ZNF606: variants seen among roughly 807,000 people sequenced by gnomAD.
The protein encoded by ZNF606 is zinc finger protein 328.
A neutral mutation model predicts 74.9 loss-of-function variants in ZNF606; 37 were observed. That is an observed-to-expected ratio of 0.49 (90% CI 0.38 to 0.65). The LOEUF is 0.65. ZNF606 is among the 30% of genes least tolerant of loss of function. The pLI is 0.00. For missense variants in ZNF606, 852 were observed against 952.9 expected (o/e 0.89, Z 1.39); for synonymous variants, 328 against 312.4 (o/e 1.05, Z -0.53).
At chr19:57,999,778 TC>T in intron 4 of ZNF606, 29 bp downstream of exon 4, 1 of 1,606,148 alleles carries the variant, frequency 6.2e-7, no homozygotes, top group Non-Finnish European at 8.5e-7. Context: ...CTGGACATCA[TC>T]CTCTGGGAAC....
Position 57,979,603 on chromosome 19 carries a change from A to G in ZNF606, c.1077T>C (p.Phe359=). ...EYENIFYFSS[F]MEHQKIGTVE... ...CAGTACCAATTTTTTGATGTTCCAT[A>G]AAGGATGAGAAATAAAAGATATTCT... is the stretch of plus-strand genomic sequence containing the variant. The change falls in exon 7 of 7, where the codon TTT becomes TTC. Residue 359 remains phenylalanine (F), a synonymous_variant. Coordinates refer to ENST00000551380, the MANE Select transcript of ZNF606 (RefSeq NM_001348022.3). 6.2e-7 allele frequency: 1 copy of G among 1,613,482 alleles called. No individual in the cohort carries two copies. The highest frequency in any genetic ancestry group is 8.5e-7 in the Non-Finnish European group (1 of 1,179,942).
intron 4 of ZNF606, among the ~76,000 whole-genome samples, chr19:57,994,936 C>T (rs1253177363): frequency 2.6e-5 from 4 of 152,190 alleles, no homozygotes; most frequent in Middle Eastern, 3.4e-3. Context: ...GTAATCTCAG[C>T]ACTTTGGGAG....
rs201639192 is a variant in ZNF606 at position 57,979,075 on chromosome 19, A to T, written c.1605T>A (p.Thr535=). ...SHLIAHMRMH[T]GEKPFKCDEC... ...CATCACATTTAAAGGGTTTCTCTCCAGTATGCATTCTCATATGGGCAATAA... is the reference window on the plus strand; with the variant it reads ...CATCACATTTAAAGGGTTTCTCTCCTGTATGCATTCTCATATGGGCAATAA... Residue 535 remains threonine (T), a synonymous_variant, in exon 7 of 7, where the codon ACT becomes ACA. Coordinates refer to ENST00000551380, the MANE Select transcript of ZNF606 (RefSeq NM_001348022.3). 105 of 1,613,828 alleles carry T rather than the reference A, an allele frequency of 6.5e-5. No homozygotes were observed. The East Asian group carries it at 2.3e-3, about 35-fold the overall frequency.
At chr19:57,992,237 A>G (rs893420696) in intron 4 of ZNF606, among the ~76,000 whole-genome samples, 2 of 152,182 alleles carry the variant, frequency 1.3e-5, no homozygotes, top group Non-Finnish European at 2.9e-5. Context: ...GCAGACAGGG[A>G]GCTTTATAAT....
Position 58,002,700 on chromosome 19 carries a change from C to G in ZNF606, c.-356G>C. ...AGGGCAGGCGCAGGACCCACCCTGA[C>G]GCCGCCTCTCCCAGCCGGCTCTCCT... is the stretch of plus-strand genomic sequence containing the variant. On this transcript the variant is annotated 5_prime_UTR_variant, in exon 1 of 7. Transcript: ENST00000551380. 1 of 453,974 alleles carries G rather than the reference C, an allele frequency of 2.2e-6. No individual in the cohort carries two copies. The highest frequency in any genetic ancestry group is 1.6e-5 in the South Asian group (1 of 64,476). 28.1% of individuals were successfully genotyped at this position (453,974 alleles called of 1,614,324 possible).
At chr19:57,994,591 C>T (rs2073307045) in intron 4 of ZNF606, among the ~76,000 whole-genome samples, 1 of 151,918 alleles carries the variant, frequency 6.6e-6, no homozygotes, top group South Asian at 2.1e-4. Flanking sequence ...TGTGAAATAC[C>T]TATATTAAAG....
intron 3 of ZNF606, 112 bp downstream of exon 3, chr19:58,000,571 C>G: frequency 8.6e-7 from 1 of 1,164,198 alleles, no homozygotes; most frequent in Non-Finnish European, 1.3e-6. Context: ...CAGATCTGGA[C>G]CACCTGCCCT....
At chr19:57,981,740 C>T (rs1233604261) in intron 6 of ZNF606, among the ~76,000 whole-genome samples, 1 of 152,182 alleles carries the variant, frequency 6.6e-6, no homozygotes, top group East Asian at 1.9e-4. Context: ...GCAAACATCA[C>T]CAGAGTTTAT....
intron 6 of ZNF606, among the ~76,000 whole-genome samples, chr19:57,982,186 A>C (rs2073094507): frequency 1.3e-5 from 2 of 152,148 alleles, no homozygotes; most frequent in South Asian, 4.1e-4. Context: ...AGAAGCTCTA[A>C]GGAATCCACC....
Position 57,978,548 on chromosome 19 carries a change from T to C in ZNF606, c.2132A>G (p.Asn711Ser), listed in dbSNP as rs1238328442. 1.5e-5 allele frequency: 24 copies of C among 1,614,050 alleles called. No homozygotes were observed. Among genetic ancestry groups the C allele is most frequent in the Non-Finnish European group, 1.9e-5 (23 of 1,180,042 alleles). The change falls in exon 7 of 7, where the codon AAT becomes AGT. Residue 711 changes from asparagine (N) to serine (S), a missense_variant. Asn to Ser is a conservative substitution (Grantham distance 46). Coordinates refer to ENST00000551380, the MANE Select transcript of ZNF606 (RefSeq NM_001348022.3). This position sits in a 1 kb window ranked among gnomAD's most constrained non-coding sequence, Gnocchi z 4.4. The part of the protein sequence containing the change: ...THTGEKPYRC[N>S]ECGKAFNESS... ...CTCATTAAATGCTTTCCCACATTCA[T>C]TACACCTGTATGGTTTCTCTCCAGT...
chr19:57,998,260 T>C (rs748569346), intron 4 of ZNF606: 3 of 152,076 alleles, frequency 2.0e-5, no homozygotes, highest in African/African-American at 7.2e-5. Context: ...CATTTAGAAA[T>C]ACAGAGACAA....
rs1568587349 is a variant in ZNF606 at position 58,002,493 on chromosome 19, C to T, written c.-149G>A. On this transcript the variant is annotated 5_prime_UTR_variant, in exon 1 of 7. Transcript: ENST00000551380. ...CTTTTGTCCCGCGCCGAGGTCCGGC[C>T]CAGGAGTGCGCTTGGGAGCTCCCGG... is the stretch of plus-strand genomic sequence containing the variant. 2.2e-6 allele frequency: 1 copy of T among 452,294 alleles called. No individual in the cohort carries two copies. The highest frequency in any genetic ancestry group is 7.0e-5 in the East Asian group (1 of 14,284). 28.0% of individuals were successfully genotyped at this position (452,294 alleles called of 1,614,324 possible).
intron 6 of ZNF606, among the ~76,000 whole-genome samples, chr19:57,987,718 C>T (rs1016412163): frequency 6.6e-6 from 1 of 152,074 alleles, no homozygotes; most frequent in Non-Finnish European, 1.5e-5. Flanking sequence ...ATCCCAGCTA[C>T]TCAGGAGGCT....
At chr19:57,990,976 C>T (rs757096751) in intron 4 of ZNF606, among the ~76,000 whole-genome samples, 1 of 152,074 alleles carries the variant, frequency 6.6e-6, no homozygotes, top group Non-Finnish European at 1.5e-5. Context: ...TGTCTCACAA[C>T]CTCGAAGACA....
intron 4 of ZNF606, among the ~76,000 whole-genome samples, chr19:57,994,849 C>T (rs1166636575): frequency 1.3e-5 from 2 of 152,106 alleles, no homozygotes; most frequent in African/African-American, 2.4e-5. Context: ...CAAGTAGCTT[C>T]GCCCCCTTGT....
In ZNF606 at chr19:57,978,555, T is replaced by A; in HGVS notation, c.2125A>T (p.Arg709Trp). Residue 709 changes from arginine to tryptophan, a missense_variant, in exon 7 of 7, where the codon AGG (arginine) becomes TGG (tryptophan). Coordinates refer to ENST00000551380, the MANE Select transcript of ZNF606 (RefSeq NM_001348022.3). This position sits in a 1 kb window ranked among gnomAD's most constrained non-coding sequence, Gnocchi z 4.4. Reference protein sequence around the residue: ...RRTHTGEKPYRCNECGKAFNE... With the variant: ...RRTHTGEKPYWCNECGKAFNE... ...AATGCTTTCCCACATTCATTACACC[T>A]GTATGGTTTCTCTCCAGTATGAGTT... 6.2e-7 allele frequency: 1 copy of A among 1,614,176 alleles called. No homozygotes were observed. Among genetic ancestry groups the A allele is most frequent in the Non-Finnish European group, 8.5e-7 (1 of 1,180,032 alleles).
intron 6 of ZNF606, among the ~76,000 whole-genome samples, chr19:57,987,985 G>A (rs949655663): frequency 9.2e-5 from 14 of 152,168 alleles, no homozygotes; most frequent in African/African-American, 2.7e-4. Context: ...GGAAGGGACC[G>A]CAGAAAACAG....
In ZNF606 at chr19:58,002,706, C is replaced by T. The variant is rs1272840696; in HGVS notation, c.-362G>A. ...GGCGCAGGACCCACCCTGACGCCGC[C>T]TCTCCCAGCCGGCTCTCCTGACCCC... On this transcript the variant is annotated 5_prime_UTR_variant, in exon 1 of 7. Transcript: ENST00000551380. The T allele has an allele frequency of 2.2e-6, 1 of 453,296 alleles. No homozygotes were observed. Among genetic ancestry groups the T allele is most frequent in the East Asian group, 7.0e-5 (1 of 14,190 alleles). The allele number at this position is 453,296 out of a possible 1,614,324, so 28.1% of individuals were successfully genotyped here.
Position 57,978,870 on chromosome 19 carries a change from C to T in ZNF606, c.1810G>A (p.Ala604Thr). ...KPYNCQECGK[A>T]FRERSALTKH... ...GTGAGGGCTGAGCGTTCTCTGAATG[C>T]TTTGCCACATTCCTGACAGTTATAT... Residue 604 changes from alanine (A) to threonine (T), a missense_variant, in exon 7 of 7, where the codon GCA (alanine) becomes ACA (threonine). Coordinates refer to ENST00000551380, the MANE Select transcript of ZNF606 (RefSeq NM_001348022.3). The surrounding 1 kb of genome is among the most constrained non-coding windows in gnomAD (Gnocchi z 4.4). 6.2e-7 allele frequency: 1 copy of T among 1,614,072 alleles called. No individual in the cohort carries two copies. Among genetic ancestry groups the T allele is most frequent in the Non-Finnish European group, 8.5e-7 (1 of 1,179,992 alleles).
Sources: gnomAD v4.1 joint callset for allele counts (sites outside exome capture counted in the v4.1 genomes callset) on GRCh38, gnomAD v4.1.1 for gene constraint, Gnocchi (gnomAD v3.1) non-coding constraint, MANE v1.5 for transcripts, NCBI Gene and HGNC (gene_info 2026-07-23, HGNC 2026-07-21) for gene names.